MEF2C: variants seen among roughly 807,000 people sequenced by gnomAD.
MEF2C encodes myocyte-specific enhancer factor 2C.
Under a neutral mutation model 50.5 loss-of-function variants are expected in MEF2C, and 6 were observed. The ratio of observed to expected loss-of-function variants is 0.12; its 90% CI spans 0.07 to 0.23. The LOEUF is 0.23. MEF2C is among the 10% of genes least tolerant of loss of function. The pLI, the probability that MEF2C is intolerant of heterozygous loss-of-function variation, is 1.00. For missense variants in MEF2C, 276 were observed against 605.0 expected (o/e 0.46, Z 5.70); for synonymous variants, 183 against 228.0 (o/e 0.80, Z 1.78).
At chr5:88,843,311 A>C (rs1266158044) in intron 1 of MEF2C, 1 of 983,038 alleles carries the variant, frequency 1.0e-6, no homozygotes, top group Non-Finnish European at 1.2e-6. Context: ...ATGTTACATC[A>C]CGTAAAATAT....
intron 10 of MEF2C, among the ~76,000 whole-genome samples, chr5:88,726,584 G>T (rs1448792266): frequency 6.6e-6 from 1 of 152,026 alleles, no homozygotes; most frequent in Non-Finnish European, 1.5e-5. Flanking sequence ...TGATTTGAGG[G>T]GTAAGGGAAG....
chr5:88,797,003 T>A (rs561557357), intron 3 of MEF2C, among the ~76,000 whole-genome samples: 1 of 152,238 alleles, frequency 6.6e-6, no homozygotes, highest in Non-Finnish European at 1.5e-5. Flanking sequence ...TTGTTATGAT[T>A]TGCATTCTTT....
chr5:88,892,628 C>T (rs1279254851), intron 1 of MEF2C, among the ~76,000 whole-genome samples: 1 of 152,168 alleles, frequency 6.6e-6, no homozygotes, highest in African/African-American at 2.4e-5. Context: ...TACAGGTTGC[C>T]TTATTTCCCT....
rs1835907443 is a variant in MEF2C at position 88,903,840 on chromosome 5, C to T, written c.-240+76G>A. 4.6e-5 allele frequency: 7 copies of T among 151,854 alleles called. No homozygotes were observed. The South Asian group carries it at 1.5e-3, about 32-fold the overall frequency. 9.4% of individuals were successfully genotyped at this position (151,854 alleles called of 1,614,324 possible). Reference sequence around the variant, plus strand: ...TCATCAACTTTGTGAACACAGGTACCTCAGTGGTGCCTCTTTCAAGACAAC... The same window carrying T: ...TCATCAACTTTGTGAACACAGGTACTTCAGTGGTGCCTCTTTCAAGACAAC... On this transcript the variant is annotated intron_variant, in intron 1 of 11. Coordinates refer to the MEF2C transcript ENST00000340208.
At chr5:88,791,100 C>A (rs1427400343) in intron 3 of MEF2C, among the ~76,000 whole-genome samples, 1 of 152,062 alleles carries the variant, frequency 6.6e-6, no homozygotes, top group Non-Finnish European at 1.5e-5. Context: ...TTATTCGGCA[C>A]CTTTTAGAGC....
intron 3 of MEF2C, chr5:88,771,778 C>A: frequency 4.9e-6 from 1 of 204,770 alleles, no homozygotes; most frequent in Non-Finnish European, 8.6e-6. Context: ...AAGATTATTA[C>A]CTCAAAATGT....
chr5:88,784,234 T>C (rs1227533036), intron 3 of MEF2C, among the ~76,000 whole-genome samples: 1 of 152,190 alleles, frequency 6.6e-6, no homozygotes, highest in Admixed American at 6.5e-5. Context: ...GATAATACTG[T>C]AGACATTTCA....
intron 6 of MEF2C, among the ~76,000 whole-genome samples, chr5:88,745,407 A>G (rs1654053777): frequency 6.6e-6 from 1 of 152,260 alleles, no homozygotes; most frequent in South Asian, 2.1e-4. Flanking sequence ...TGGGATGACA[A>G]AGAGTGCTCA....
At chr5:88,875,189 C>A (rs1197014983) in intron 1 of MEF2C, among the ~76,000 whole-genome samples, 1 of 151,914 alleles carries the variant, frequency 6.6e-6, no homozygotes, top group Non-Finnish European at 1.5e-5. Flanking sequence ...ATTTAGAAGT[C>A]AATTTATTTT....
chr5:88,826,070 TC>T (rs370052704), intron 1 of MEF2C, among the ~76,000 whole-genome samples: 57 of 152,000 alleles, frequency 3.8e-4, no homozygotes, highest in African/African-American at 1.3e-3. Flanking sequence ...CAGAGAGAGT[TC>T]CTGATGAACC....
intron 6 of MEF2C, chr5:88,744,023 T>C: frequency 1.0e-6 from 1 of 970,028 alleles, no homozygotes; most frequent in Non-Finnish European, 1.2e-6. Context: ...TTTTCATTTC[T>C]TTTTTCTCTT....
intron 3 of MEF2C, among the ~76,000 whole-genome samples, chr5:88,784,559 A>C (rs1024511002): frequency 2.6e-5 from 4 of 152,214 alleles, no homozygotes; most frequent in Non-Finnish European, 4.4e-5. Flanking sequence ...ACCATAGCTC[A>C]TATCACTATT....
At position 88,823,795 on chromosome 5, in the gene MEF2C, C is replaced by G; in HGVS notation, c.-7G>C. The G allele has an allele frequency of 1.2e-6, 2 of 1,608,354 alleles. No individual in the cohort carries two copies. The highest frequency in any genetic ancestry group is 1.7e-6 in the Non-Finnish European group (2 of 1,176,648). On this transcript the variant is annotated 5_prime_UTR_variant, in exon 2 of 11. Coordinates refer to ENST00000504921, the MANE Select transcript of MEF2C (RefSeq NM_002397.5). ...GAATCTTTTTTCTCCCCATAGTCCCCGTTTTTCTTCTCTCTCTCGTCCCTG... is the reference window on the plus strand; with the variant it reads ...GAATCTTTTTTCTCCCCATAGTCCCGGTTTTTCTTCTCTCTCTCGTCCCTG...
chr5:88,822,598 ATAAT>A (rs1289121902), intron 2 of MEF2C, among the ~76,000 whole-genome samples: 6 of 151,994 alleles, frequency 3.9e-5, no homozygotes, highest in Non-Finnish European at 5.9e-5. Flanking sequence ...GATGCAAGAA[ATAAT>A]TAATTCCTAT....
At chr5:88,748,084 T>A in intron 6 of MEF2C, 1 of 985,200 alleles carries the variant, frequency 1.0e-6, no homozygotes, top group East Asian at 1.1e-4. Context: ...ATTCAGTGAA[T>A]TAGTGAAGAG....
At chr5:88,747,333 C>CTTTTTTTTTTTTTTTTT (rs950842424) in intron 6 of MEF2C, among the ~76,000 whole-genome samples, 2 of 21,744 alleles carry the variant, frequency 9.2e-5, no homozygotes, top group Non-Finnish European at 1.1e-4. Flanking sequence ...TTTTTTACTA[C>CTTTTTTTTTTTTTTTTT]TTTTTTTTTT....
At position 88,793,682 on chromosome 5, in the gene MEF2C, G is replaced by C. The variant is rs188777706; in HGVS notation, c.258+10916C>G. 3.9e-5 allele frequency among the ~76,000 whole-genome samples: 6 copies of C among 152,110 alleles called. No individual in the cohort carries two copies. In the East Asian group the frequency reaches 9.7e-4, roughly 25 times the overall value. On this transcript the variant is annotated intron_variant, in intron 3 of 10. Coordinates refer to ENST00000504921, the MANE Select transcript of MEF2C (RefSeq NM_002397.5). ...TTATTTACTTTAAGTTCTGGGATACGTGTGCAGAACATGCAGACTTGTTAC... is the reference window on the plus strand; with the variant it reads ...TTATTTACTTTAAGTTCTGGGATACCTGTGCAGAACATGCAGACTTGTTAC...
intron 3 of MEF2C, among the ~76,000 whole-genome samples, chr5:88,800,429 C>A (rs1797877327): frequency 6.6e-6 from 1 of 152,176 alleles, no homozygotes; most frequent in South Asian, 2.1e-4. Context: ...ACAAGAATGC[C>A]TGTCTCCTGC....
At chr5:88,773,228 G>A (rs1783199508) in intron 3 of MEF2C, among the ~76,000 whole-genome samples, 1 of 152,186 alleles carries the variant, frequency 6.6e-6, no homozygotes, top group South Asian at 2.1e-4. Flanking sequence ...AAGAATAATG[G>A]AATTCAAGGC....
Sources: allele counts gnomAD v4.1 joint callset (sites outside exome capture counted in the v4.1 genomes callset), GRCh38; gene constraint gnomAD v4.1.1; transcripts MANE v1.5; gene names NCBI Gene and HGNC (gene_info 2026-07-23, HGNC 2026-07-21).